POMT1: variants seen among roughly 807,000 people sequenced by gnomAD.
POMT1 encodes the protein protein O-mannosyl-transferase 1.
POMT1 carries 85 observed loss-of-function variants against 101.6 expected under a neutral mutation model. That is an observed-to-expected ratio of 0.84 (90% CI 0.70 to 1.00). The LOEUF (loss-of-function observed/expected upper bound fraction) is 1.00, where lower values mean the gene tolerates loss of function less well. POMT1 is among the 50% of genes least tolerant of loss of function. The probability of loss-of-function intolerance (pLI) is 0.00; values close to 1 mark genes in which losing one functional copy is unlikely to be tolerated. For synonymous variants in POMT1, 371 were observed against 383.0 expected (o/e 0.97, Z 0.37); for missense variants, 857 against 930.4 (o/e 0.92, Z 1.03).
intron 4 of POMT1, among the ~76,000 whole-genome samples, chr9:131,507,075 A>G (rs558716853): frequency 9.3e-4 from 142 of 152,068 alleles, no homozygotes; most frequent in African/African-American, 3.2e-3. Flanking sequence ...TCAGAGAAAA[A>G]AAAAAAAAGA....
chr9:131,518,907 G>C lies in POMT1; in HGVS notation c.1436G>C (p.Gly479Ala), dbSNP rs1949313840. ...ATCGTCGGGGAGAAGCTGTCCCGGG[G>C]CTACCACGGGAGCACGGTGTGGAAC... ...LEIVGEKLSR[G>A]YHGSTVWNVE... The change falls in exon 15 of 20, where the codon GGC becomes GCC. Residue 479 changes from glycine (G) to alanine (A), a missense_variant. Physicochemically the swap from Gly to Ala is moderately conservative, Grantham distance 60 (BLOSUM62 0). Coordinates refer to ENST00000402686, the MANE Select transcript of POMT1 (RefSeq NM_001077365.2). 6.2e-7 allele frequency: 1 copy of C among 1,613,844 alleles called. No individual in the cohort carries two copies. Among genetic ancestry groups the C allele is most frequent in the Non-Finnish European group, 8.5e-7 (1 of 1,180,040 alleles).
rs886043948 is a variant in POMT1, at chr9:131,522,986, C to T, written c.2058C>T (p.Ser686=). The change falls in exon 20 of 20, where the codon TCC becomes TCT. Residue 686 remains serine (S), a synonymous_variant. Transcript: ENST00000402686. The surrounding 1 kb of genome is among the most constrained non-coding windows in gnomAD (Gnocchi z 5.5). The part of the protein sequence containing the change: ...FSALVVAWYS[S]ACHVSNTLRP... ...CCCTGGTGGTGGCCTGGTACTCCTC[C>T]GCGTGCCACGTGTCCAACACGCTGC... 1.9e-5 allele frequency: 30 copies of T among 1,605,612 alleles called. No homozygotes were observed. Among genetic ancestry groups the T allele is most frequent in the South Asian group, 1.1e-4 (10 of 90,016 alleles).
chr9:131,519,534 C>CAATG lies in POMT1; in HGVS notation c.1584+48_1584+49insAATG. ...TGGCCTAGCTCGCTGAGCATTGACT[C>CAATG]CTCAGCAGGGAGGCCTGGGGGCTGC... On this transcript the variant is annotated intron_variant, in intron 16 of 19. Transcript: ENST00000402686. The surrounding 1 kb of genome is among the most constrained non-coding windows in gnomAD (Gnocchi z 4.3). 2 of 1,518,918 alleles carry CAATG rather than the reference C, an allele frequency of 1.3e-6. No individual in the cohort carries two copies. Among genetic ancestry groups the CAATG allele is most frequent in the Non-Finnish European group, 1.8e-6 (2 of 1,124,196 alleles). 94.1% of individuals were successfully genotyped at this position (1,518,918 alleles called of 1,614,324 possible).
chr9:131,510,400 C>A lies in POMT1; in HGVS notation c.840C>A (p.Phe280Leu). The change falls in exon 9 of 20, where the codon TTC (phenylalanine) becomes TTA (leucine). Residue 280 changes from phenylalanine to leucine, a missense_variant. Transcript: ENST00000402686. ...ACGACCAAATCATGTCCAGTGCCTTCCAGGCCAGCTTAGAGGTAAGTAAGC... is the reference window on the plus strand; with the variant it reads ...ACGACCAAATCATGTCCAGTGCCTTACAGGCCAGCTTAGAGGTAAGTAAGC... Reference protein sequence around the residue: ...GPHDQIMSSAFQASLEGGLAR... With the variant: ...GPHDQIMSSALQASLEGGLAR... The A allele has an allele frequency of 4.3e-6, 7 of 1,614,210 alleles. No individual in the cohort carries two copies. The highest frequency in any genetic ancestry group is 5.1e-6 in the Non-Finnish European group (6 of 1,180,008).
intron 11 of POMT1, among the ~76,000 whole-genome samples, chr9:131,512,749 T>G (rs1433280699): frequency 6.6e-6 from 1 of 152,058 alleles, no homozygotes; most frequent in Non-Finnish European, 1.5e-5. Context: ...GTAGATAAGA[T>G]TACAGGCGCC....
At position 131,519,512 on chromosome 9, in the gene POMT1, C is replaced by T; in HGVS notation, c.1584+26C>T. On this transcript the variant is annotated intron_variant, in intron 16 of 19. Coordinates refer to ENST00000402686, the MANE Select transcript of POMT1 (RefSeq NM_001077365.2). This position sits in a 1 kb window ranked among gnomAD's most constrained non-coding sequence, Gnocchi z 4.3. The stretch of plus-strand genomic sequence containing the variant: ...GTGAGGAGCGGCCAGGGGAAGCTGG[C>T]CTAGCTCGCTGAGCATTGACTCCTC... 1 of 1,546,090 alleles carries T rather than the reference C, an allele frequency of 6.5e-7. No homozygotes were observed.
At chr9:131,521,982 A>G in intron 18 of POMT1, 65 bp from the exon 19 acceptor site, 2 of 1,607,950 alleles carry the variant, frequency 1.2e-6, no homozygotes, top group East Asian at 2.2e-5. Context: ...TAAAAAAGCA[A>G]AAGAGAGAGA....
chr9:131,511,354 C>T lies in POMT1; in HGVS notation c.873C>T (p.Ile291=), dbSNP rs769751987. 1.2e-6 allele frequency: 2 copies of T among 1,613,418 alleles called. No individual in the cohort carries two copies. Among genetic ancestry groups the T allele is most frequent in the Non-Finnish European group, 1.7e-6 (2 of 1,179,412 alleles). Reference sequence around the variant, plus strand: ...TGTCTCAGGGAGGACTAGCTCGGATCACTCAGGGTCAGCCACTGGAGGTGG... The same window carrying T: ...TGTCTCAGGGAGGACTAGCTCGGATTACTCAGGGTCAGCCACTGGAGGTGG... ...QASLEGGLAR[I]TQGQPLEVAF... Residue 291 remains isoleucine, a synonymous_variant, in exon 10 of 20, where the codon ATC becomes ATT. Coordinates refer to ENST00000402686, the MANE Select transcript of POMT1 (RefSeq NM_001077365.2).
chr9:131,522,154 C>T lies in POMT1; in HGVS notation c.1933C>T (p.Leu645=), dbSNP rs750972624. 6 of 1,614,182 alleles carry T rather than the reference C, an allele frequency of 3.7e-6. No individual in the cohort carries two copies. The highest frequency in any genetic ancestry group is 5.1e-6 in the Non-Finnish European group (6 of 1,180,052). Residue 645 remains leucine (L), a synonymous_variant, in exon 19 of 20, where the codon CTG becomes TTG. Coordinates refer to ENST00000402686, the MANE Select transcript of POMT1 (RefSeq NM_001077365.2). The surrounding 1 kb of genome is among the most constrained non-coding windows in gnomAD (Gnocchi z 5.5). The part of the protein sequence containing the change: ...MEKTLFLYHY[L]PALTFQILLL... Reference sequence around the variant, plus strand: ...GAAGACACTCTTCCTCTACCACTACCTGCCCGCACTCACCTTCCAAATCCT... The same window carrying T: ...GAAGACACTCTTCCTCTACCACTACTTGCCCGCACTCACCTTCCAAATCCT...
In POMT1 at chr9:131,505,296, G is replaced by C. The variant is rs932316103; in HGVS notation, c.123-818G>C. 7.3e-4 allele frequency among the ~76,000 whole-genome samples: 21 copies of C among 28,884 alleles called. No homozygotes were observed. The South Asian group carries it at 0.031, about 42-fold the overall frequency. The allele number at this position is 28,884 out of a possible 152,430, so 18.9% of individuals were successfully genotyped here. A position where few individuals can be genotyped will look rare whatever the true frequency, so the allele number is the denominator to read the frequency against. ...CAGCGGTATATCTGTAAAAGATGAG[G>C]ATTTTTTTTTTTTTTTTGGAGACAT... On this transcript the variant is annotated intron_variant, in intron 2 of 19. Transcript: ENST00000402686.
chr9:131,515,499 C>A lies in POMT1; in HGVS notation c.1249C>A (p.Pro417Thr). 1.9e-6 allele frequency: 3 copies of A among 1,614,190 alleles called. No homozygotes were observed. Among genetic ancestry groups the A allele is most frequent in the Non-Finnish European group, 2.5e-6 (3 of 1,180,004 alleles). The change falls in exon 13 of 20, where the codon CCC (proline) becomes ACC (threonine). Residue 417 changes from proline (P) to threonine (T), a missense_variant. Coordinates refer to ENST00000402686, the MANE Select transcript of POMT1 (RefSeq NM_001077365.2). The stretch of plus-strand genomic sequence containing the variant: ...CTACATTGACTATAACATCTCCATG[C>A]CCGCCCAGAACCTCTGGAGACTGGT... ...SCYIDYNISM[P>T]AQNLWRLEIV...
chr9:131,505,168 C>G (rs1945510404), intron 2 of POMT1, among the ~76,000 whole-genome samples: 1 of 152,086 alleles, frequency 6.6e-6, no homozygotes, highest in Non-Finnish European at 1.5e-5. Context: ...CCCCCACACA[C>G]ACCAGTATTT....
intron 13 of POMT1, 135 bp from the exon 14 acceptor site, chr9:131,518,310 T>G: frequency 1.2e-6 from 1 of 851,064 alleles, no homozygotes; most frequent in South Asian, 1.3e-5. Context: ...CAGCCCCTTA[T>G]AGCTTCCCTC....
chr9:131,522,376 A>G lies in POMT1; in HGVS notation c.2003+152A>G, dbSNP rs150658883. ...CCTCCGGGGAATGGGTGAGGTTCAGAAGAGATGCCCAGATGAGGCACTGCA... is the reference window on the plus strand; with the variant it reads ...CCTCCGGGGAATGGGTGAGGTTCAGGAGAGATGCCCAGATGAGGCACTGCA... On this transcript the variant is annotated intron_variant, in intron 19 of 19. Transcript: ENST00000402686. The surrounding 1 kb of genome is among the most constrained non-coding windows in gnomAD (Gnocchi z 5.5). 230 of 1,446,230 alleles carry G rather than the reference A, an allele frequency of 1.6e-4. No homozygotes were observed. In the African/African-American group the frequency reaches 2.4e-3, roughly 15 times the overall value. The allele number at this position is 1,446,230 out of a possible 1,614,324, so 89.6% of individuals were successfully genotyped here.
At chr9:131,511,938 TG>T in intron 10 of POMT1, 102 bp from the exon 11 acceptor site, 2 of 1,220,682 alleles carry the variant, frequency 1.6e-6, no homozygotes, top group Non-Finnish European at 2.4e-6. Context: ...CTCAAACTCC[TG>T]GGCTCAAGCA....
Position 131,519,492 on chromosome 9 carries a change from G to A in POMT1, c.1584+6G>A. On this transcript the variant is annotated splice_donor_region_variant and intron_variant, in intron 16 of 19. Transcript: ENST00000402686. The surrounding 1 kb of genome is among the most constrained non-coding windows in gnomAD (Gnocchi z 4.3). ...CGAGATTCTCGGAGCTGCAGGTGAG[G>A]AGCGGCCAGGGGAAGCTGGCCTAGC... 1 of 1,549,370 alleles carries A rather than the reference G, an allele frequency of 6.5e-7. No homozygotes were observed.
chr9:131,516,659 A>G (rs117801543), intron 13 of POMT1: 2 of 152,792 alleles, frequency 1.3e-5, no homozygotes, highest in African/African-American at 2.4e-5. Flanking sequence ...GGTTTCCTGC[A>G]TCAGAGGCCT....
rs1166743118 is a variant in POMT1 at position 131,511,436 on chromosome 9, C to G, written c.955C>G (p.Leu319Val). 1 of 1,614,076 alleles carries G rather than the reference C, an allele frequency of 6.2e-7. No individual in the cohort carries two copies. Among genetic ancestry groups the G allele is most frequent in the Non-Finnish European group, 8.5e-7 (1 of 1,180,036 alleles). Reference sequence around the variant, plus strand: ...CTTTGGGAAACCTGTGCCCTGCTGGCTTCATTCCCACCAGGACACCTACCC... The same window carrying G: ...CTTTGGGAAACCTGTGCCCTGCTGGGTTCATTCCCACCAGGACACCTACCC... ...NVFGKPVPCWLHSHQDTYPMI... is the reference protein window; with the variant it reads ...NVFGKPVPCWVHSHQDTYPMI... The change falls in exon 10 of 20, where the codon CTT becomes GTT. Residue 319 changes from leucine to valine, a missense_variant. Coordinates refer to ENST00000402686, the MANE Select transcript of POMT1 (RefSeq NM_001077365.2).
At chr9:131,510,973 G>GAATA in intron 9 of POMT1, 2 of 281,266 alleles carry the variant, frequency 7.1e-6, no homozygotes, top group Non-Finnish European at 1.4e-5. Flanking sequence ...GCCTGCCGAC[G>GAATA]GCCAGTGCTG....
Sources: gnomAD v4.1 joint callset for allele counts (sites outside exome capture counted in the v4.1 genomes callset) on GRCh38, gnomAD v4.1.1 for gene constraint, Gnocchi (gnomAD v3.1) non-coding constraint, MANE v1.5 for transcripts, NCBI Gene and HGNC (gene_info 2026-07-23, HGNC 2026-07-21) for gene names.